ST14: variants seen among roughly 807,000 people sequenced by gnomAD.
ST14 encodes the protein suppressor of tumorigenicity 14 protein.
A neutral mutation model predicts 96.5 loss-of-function variants in ST14; 40 were observed. That is an observed-to-expected ratio of 0.41 (90% CI 0.32 to 0.54). ST14 has a LOEUF of 0.54. Among genes scored for constraint, ST14 ranks in the 20% least tolerant of loss-of-function variants. The probability of loss-of-function intolerance (pLI) is 0.17; values close to 1 mark genes in which losing one functional copy is unlikely to be tolerated. For missense variants in ST14, 1,066 were observed against 1,188.9 expected (o/e 0.90, Z 1.52); for synonymous variants, 506 against 492.1 (o/e 1.03, Z -0.37).
At chr11:130,174,808 C>A (rs749439060) in intron 1 of ST14, among the ~76,000 whole-genome samples, 1 of 152,152 alleles carries the variant, frequency 6.6e-6, no homozygotes, top group Non-Finnish European at 1.5e-5. Flanking sequence ...AAGGCTCTGC[C>A]CACATTACAG....
intron 16 of ST14, among the ~76,000 whole-genome samples, chr11:130,203,869 G>A (rs948331324): frequency 2.0e-5 from 3 of 152,142 alleles, no homozygotes; most frequent in Admixed American, 2.0e-4. Flanking sequence ...AGCCAGGCTG[G>A]TCTTGAACTC....
In ST14 at chr11:130,189,682, C is replaced by A. The variant is rs758467765; in HGVS notation, c.441-57C>A. The A allele has an allele frequency of 2.3e-5, 36 of 1,598,476 alleles. No homozygotes were observed. The African/African-American group carries it at 3.6e-4, about 16-fold the overall frequency. On this transcript the variant is annotated intron_variant, in intron 4 of 18. Transcript: ENST00000278742. ...CCATGTGTCCTGGAGTCGCTCTGGGCGCACGTGGGGGAAATGGGGCCCAGA... is the reference window on the plus strand; with the variant it reads ...CCATGTGTCCTGGAGTCGCTCTGGGAGCACGTGGGGGAAATGGGGCCCAGA...
chr11:130,205,079 A>G (rs1953472121), intron 16 of ST14, among the ~76,000 whole-genome samples: 2 of 152,056 alleles, frequency 1.3e-5, no homozygotes, highest in Admixed American at 6.6e-5. Context: ...AATTTTTCAA[A>G]CCTACAAAAA....
At chr11:130,198,728 C>A in intron 14 of ST14, 107 bp downstream of exon 14, 1 of 1,328,790 alleles carries the variant, frequency 7.5e-7, no homozygotes, top group Non-Finnish European at 1.1e-6. Context: ...ACACAAACCA[C>A]CTGTGTGTTA....
intron 1 of ST14, among the ~76,000 whole-genome samples, chr11:130,167,029 G>A (rs903802382): frequency 2.0e-5 from 3 of 152,078 alleles, no homozygotes; most frequent in African/African-American, 7.2e-5. Flanking sequence ...TGGCCAACAT[G>A]GTGAAACCCC....
chr11:130,174,621 C>T (rs1953120196), intron 1 of ST14, among the ~76,000 whole-genome samples: 1 of 152,190 alleles, frequency 6.6e-6, no homozygotes, highest in Non-Finnish European at 1.5e-5. Context: ...TCATAGGGCA[C>T]TTTGCCCACA....
At chr11:130,167,845 G>A (rs1565617397) in intron 1 of ST14, among the ~76,000 whole-genome samples, 2 of 152,136 alleles carry the variant, frequency 1.3e-5, no homozygotes, top group Admixed American at 1.3e-4. Flanking sequence ...CTTCCAAGCA[G>A]CTGGAATTAC....
intron 1 of ST14, among the ~76,000 whole-genome samples, chr11:130,175,483 G>A (rs1024441205): frequency 6.6e-6 from 1 of 151,934 alleles, no homozygotes; most frequent in Non-Finnish European, 1.5e-5. Context: ...AGGTTCAAGT[G>A]ATTCTCCCAC....
At position 130,160,032 on chromosome 11, in the gene ST14, C is replaced by T. The variant is rs1199434074; in HGVS notation, c.53C>T (p.Ala18Val). 1.5e-5 allele frequency: 21 copies of T among 1,435,396 alleles called. No individual in the cohort carries two copies. Among genetic ancestry groups the T allele is most frequent in the Non-Finnish European group, 1.9e-5 (21 of 1,086,644 alleles). The allele number at this position is 1,435,396 out of a possible 1,614,324, so 88.9% of individuals were successfully genotyped here. ...GGAGGGGGCCCGAAGGACTTCGGCG[C>T]GGGACTCAAGTACAACTCCCGGCAC... The part of the protein sequence containing the change: ...KGGGGPKDFG[A>V]GLKYNSRHEK... The change falls in exon 1 of 19, where the codon GCG (alanine) becomes GTG (valine). Residue 18 changes from alanine to valine, a missense_variant. Coordinates refer to ENST00000278742, the MANE Select transcript of ST14 (RefSeq NM_021978.4).
In ST14 at chr11:130,166,969, G is replaced by A. The variant is rs536424761; in HGVS notation, c.81+6909G>A. On this transcript the variant is annotated intron_variant, in intron 1 of 18. Transcript: ENST00000278742. ...TTCATGCCTGTAATCCCAGCACTTT[G>A]AGAGGCCAGGGCCGATGGATCACTT... is the stretch of plus-strand genomic sequence containing the variant. Among the ~76,000 whole-genome samples, 7 of 152,352 alleles carry A rather than the reference G, an allele frequency of 4.6e-5. No individual in the cohort carries two copies. The South Asian group carries it at 1.4e-3, about 32-fold the overall frequency.
chr11:130,189,580 G>A, intron 4 of ST14, 159 bp from the exon 5 acceptor site: 1 of 907,090 alleles, frequency 1.1e-6, no homozygotes, highest in Non-Finnish European at 1.7e-6. Context: ...CTTGCTTTGG[G>A]GTGGAAAGAG....
At chr11:130,192,068 C>T (rs935440850) in intron 7 of ST14, among the ~76,000 whole-genome samples, 3 of 152,214 alleles carry the variant, frequency 2.0e-5, no homozygotes, top group Admixed American at 6.5e-5. Flanking sequence ...GGATACCCCA[C>T]GTCAGGGTGG....
rs754491734 is a variant in ST14 at position 130,194,618 on chromosome 11, T to C, written c.1016-22T>C. 15 of 1,613,340 alleles carry C rather than the reference T, an allele frequency of 9.3e-6. No individual in the cohort carries two copies. In the Admixed American group the frequency reaches 2.5e-4, roughly 27 times the overall value. ...CCGGGCAGGTTCCTGATCCTCTTGCTTTCTCCCACCTTCCCTCTCAGGCTG... is the reference window on the plus strand; with the variant it reads ...CCGGGCAGGTTCCTGATCCTCTTGCCTTCTCCCACCTTCCCTCTCAGGCTG... On this transcript the variant is annotated intron_variant, in intron 8 of 18. Coordinates refer to ENST00000278742, the MANE Select transcript of ST14 (RefSeq NM_021978.4).
intron 1 of ST14, among the ~76,000 whole-genome samples, chr11:130,168,025 A>G (rs1000180569): frequency 6.6e-6 from 1 of 152,120 alleles, no homozygotes; most frequent in Non-Finnish European, 1.5e-5. Flanking sequence ...TATTTTTTTC[A>G]TTTAACATTC....
At chr11:130,205,639 C>T (rs554397047) in intron 16 of ST14, among the ~76,000 whole-genome samples, 4 of 150,398 alleles carry the variant, frequency 2.7e-5, no homozygotes, top group Admixed American at 6.6e-5. Flanking sequence ...CTTTGTGCTG[C>T]GAGCTGACGT....
intron 7 of ST14, among the ~76,000 whole-genome samples, chr11:130,193,358 C>T (rs1183318370): frequency 6.6e-6 from 1 of 152,036 alleles, no homozygotes; most frequent in Non-Finnish European, 1.5e-5. Flanking sequence ...ATTATAGGCC[C>T]GACCTTGGCA....
At position 130,209,997 on chromosome 11, in the gene ST14, C is replaced by A; in HGVS notation, c.*174C>A. The A allele has an allele frequency of 1.3e-6, 1 of 786,540 alleles. No individual in the cohort carries two copies. Among genetic ancestry groups the A allele is most frequent in the Non-Finnish European group, 2.0e-6 (1 of 505,120 alleles). The allele number at this position is 786,540 out of a possible 1,614,324, so 48.7% of individuals were successfully genotyped here. ...CCTAGAAAACCTCTCGCTTCCTCAG[C>A]CTCCAAAGTGGAGCTGGGAGGTAGA... On this transcript the variant is annotated 3_prime_UTR_variant, in exon 19 of 19. Transcript: ENST00000278742.
At chr11:130,185,166 G>A (rs896735464) in intron 1 of ST14, among the ~76,000 whole-genome samples, 1 of 152,164 alleles carries the variant, frequency 6.6e-6, no homozygotes, top group African/African-American at 2.4e-5. Context: ...AGATGAGAAG[G>A]TTTTGCATTC....
intron 1 of ST14, among the ~76,000 whole-genome samples, chr11:130,177,216 C>T (rs1221137415): frequency 2.0e-5 from 3 of 152,020 alleles, no homozygotes; most frequent in South Asian, 2.1e-4. Flanking sequence ...CTTAGCCAAC[C>T]GGATGAGTAG....
Sources: gnomAD v4.1 joint callset for allele counts (sites outside exome capture counted in the v4.1 genomes callset) on GRCh38, gnomAD v4.1.1 for gene constraint, MANE v1.5 for transcripts, NCBI Gene and HGNC (gene_info 2026-07-23, HGNC 2026-07-21) for gene names.